AHI1: variants seen among roughly 807,000 people sequenced by gnomAD.
The protein encoded by AHI1 is Abelson helper integration site 1, also known as jouberin.
Under a neutral mutation model 149.3 loss-of-function variants are expected in AHI1, and 123 were observed. The observed-to-expected ratio is 0.82, with a 90% CI of 0.71 to 0.96. The LOEUF is 0.96. Ranked by LOEUF, AHI1 falls within the 40% of genes least tolerant of loss-of-function variation. The pLI, the probability that AHI1 is intolerant of heterozygous loss-of-function variation, is 0.00. For synonymous variants in AHI1, 475 were observed against 459.8 expected, an observed-to-expected ratio of 1.03 and a Z score of -0.42; for missense variants, 1,439 against 1,422.7, an observed-to-expected ratio of 1.01 and a Z score of -0.18.
At chr6:135,444,206 T>G (rs542388800) in intron 13 of AHI1, among the ~76,000 whole-genome samples, 2 of 152,322 alleles carry the variant, frequency 1.3e-5, no homozygotes, top group East Asian at 3.9e-4. Context: ...CATCAATGAC[T>G]GCCATCTAAT....
At chr6:135,375,698 A>G (rs1332367492) in intron 23 of AHI1, among the ~76,000 whole-genome samples, 1 of 152,240 alleles carries the variant, frequency 6.6e-6, no homozygotes, top group Non-Finnish European at 1.5e-5. Context: ...ACAACTGGGA[A>G]TATCAATATA....
chr6:135,368,992 T>C (rs184951225), intron 23 of AHI1, among the ~76,000 whole-genome samples: 59 of 152,338 alleles, frequency 3.9e-4, no homozygotes, highest in African/African-American at 1.3e-3. Context: ...CTTCTCCTTG[T>C]TGTCTTTCTT....
At chr6:135,301,940 C>T (rs1275205875) in intron 26 of AHI1, 5 of 985,206 alleles carry the variant, frequency 5.1e-6, no homozygotes, top group South Asian at 4.7e-5. Context: ...TCTTTCCAGA[C>T]TTGTGAAATA....
intron 28 of AHI1, chr6:135,286,318 AG>A (rs1166005000): frequency 6.6e-6 from 1 of 152,310 alleles, no homozygotes; most frequent in Non-Finnish European, 1.5e-5. Flanking sequence ...CACTACAACT[AG>A]TGTGAGATAA....
chr6:135,354,789 A>G (rs940138300), intron 24 of AHI1, among the ~76,000 whole-genome samples: 2 of 152,180 alleles, frequency 1.3e-5, no homozygotes, highest in African/African-American at 4.8e-5. Flanking sequence ...TTTTTCTATT[A>G]TCAATAGTAC....
chr6:135,319,771 G>C (rs1323772726), intron 25 of AHI1, among the ~76,000 whole-genome samples: 2 of 152,190 alleles, frequency 1.3e-5, no homozygotes, highest in East Asian at 3.8e-4. Context: ...AATTGTCTTT[G>C]TATGTGGAGT....
intron 13 of AHI1, among the ~76,000 whole-genome samples, chr6:135,443,543 A>C (rs967331656): frequency 6.6e-6 from 1 of 152,202 alleles, no homozygotes; most frequent in African/African-American, 2.4e-5. Flanking sequence ...AAGAGTAACC[A>C]TTATTAGCTC....
chr6:135,483,773 C>T (rs181621522), intron 5 of AHI1, among the ~76,000 whole-genome samples: 1 of 152,314 alleles, frequency 6.6e-6, no homozygotes, highest in Non-Finnish European at 1.5e-5. Context: ...ATTCCACAAT[C>T]CATCACTTCA....
intron 3 of AHI1, among the ~76,000 whole-genome samples, chr6:135,493,746 C>A (rs1486777189): frequency 6.6e-6 from 1 of 152,014 alleles, no homozygotes. Context: ...GACTATGATT[C>A]ATCAAAAAAA....
chr6:135,433,848 C>T (rs897661838), intron 15 of AHI1, among the ~76,000 whole-genome samples: 1 of 151,752 alleles, frequency 6.6e-6, no homozygotes, highest in Non-Finnish European at 1.5e-5. Context: ...AAAGACTATC[C>T]TACATTAAGC....
At chr6:135,444,695 AAAAAT>A (rs1415628077) in intron 13 of AHI1, among the ~76,000 whole-genome samples, 5 of 152,258 alleles carry the variant, frequency 3.3e-5, no homozygotes, top group African/African-American at 4.8e-5. Context: ...GAGTTTTCAT[AAAAAT>A]AAAATAAAAG....
At chr6:135,430,280 A>G (rs1784469393) in intron 17 of AHI1, among the ~76,000 whole-genome samples, 1 of 151,966 alleles carries the variant, frequency 6.6e-6, no homozygotes, top group Non-Finnish European at 1.5e-5. Context: ...CCAAACAAGA[A>G]GTACTTCCAA....
chr6:135,453,696 A>C (rs1422035085), intron 10 of AHI1, among the ~76,000 whole-genome samples: 1 of 152,182 alleles, frequency 6.6e-6, no homozygotes, highest in Non-Finnish European at 1.5e-5. Context: ...ATCACCTCAA[A>C]TATAACCTAG....
At chr6:135,289,962 C>T (rs796196809) in intron 28 of AHI1, among the ~76,000 whole-genome samples, 8 of 150,450 alleles carry the variant, frequency 5.3e-5, no homozygotes, top group African/African-American at 1.5e-4. Context: ...AAAAAGTGGC[C>T]CACTCTTGAG....
intron 24 of AHI1, among the ~76,000 whole-genome samples, chr6:135,327,501 G>A (rs1787883414): frequency 6.6e-6 from 1 of 152,178 alleles, no homozygotes; most frequent in Admixed American, 6.5e-5. Context: ...ATTTCACAGT[G>A]TGGTGTTATA....
chr6:135,353,956 C>G (rs1224531507), intron 24 of AHI1, among the ~76,000 whole-genome samples: 1 of 152,048 alleles, frequency 6.6e-6, no homozygotes, highest in Non-Finnish European at 1.5e-5. Context: ...AATGAATCAA[C>G]ATTTAAATTT....
At chr6:135,293,201 C>T (rs1233592616) in intron 27 of AHI1, among the ~76,000 whole-genome samples, 1 of 151,698 alleles carries the variant, frequency 6.6e-6, no homozygotes, top group Non-Finnish European at 1.5e-5. Context: ...CTATTCCTGA[C>T]AAAAACTCTT....
chr6:135,399,277 C>A (rs548337177), intron 22 of AHI1, among the ~76,000 whole-genome samples: 2 of 152,262 alleles, frequency 1.3e-5, no homozygotes, highest in South Asian at 4.1e-4. Context: ...AAAGAGGAAA[C>A]AAACCAACTA....
chr6:135,490,355 G>A, intron 5 of AHI1: 1 of 658,982 alleles, frequency 1.5e-6, no homozygotes, highest in South Asian at 1.7e-5. Context: ...TGTTATCATG[G>A]CTAGTTTTGA....
Sources: gnomAD v4.1 joint callset for allele counts (sites outside exome capture counted in the v4.1 genomes callset) on GRCh38, gnomAD v4.1.1 for gene constraint, MANE v1.5 for transcripts, NCBI Gene and HGNC (gene_info 2026-07-23, HGNC 2026-07-21) for gene names.